Variants in GATB observed in about 807,000 individuals in gnomAD.
GATB encodes glutamyl-tRNA(Gln) amidotransferase subunit B, mitochondrial.
Under a neutral mutation model 62.3 loss-of-function variants are expected in GATB, and 39 were observed. The ratio of observed to expected loss-of-function variants is 0.63; its 90% confidence interval spans 0.48 to 0.82. The LOEUF (loss-of-function observed/expected upper bound fraction) is 0.82. Among genes scored for constraint, GATB ranks in the 40% least tolerant of loss-of-function variants. The pLI is 0.00. For synonymous variants in GATB, 276 were observed against 258.9 expected (o/e 1.07, Z -0.63); for missense variants, 670 against 684.0 (o/e 0.98, Z 0.23).
At chr4:151,673,066 G>C (rs1737909153) in intron 11 of GATB, 170 bp from the exon 12 acceptor site, 1 of 753,562 alleles carries the variant, frequency 1.3e-6, no homozygotes, top group African/African-American at 1.8e-5. Flanking sequence ...CCCTGCCAGA[G>C]CGTTGGCTCT....
At chr4:151,735,971 G>T (rs190735213) in intron 2 of GATB, among the ~76,000 whole-genome samples, 3 of 151,600 alleles carry the variant, frequency 2.0e-5, no homozygotes, top group Non-Finnish European at 2.9e-5. Context: ...CACCACCGAA[G>T]AACTTATTCA....
intron 5 of GATB, among the ~76,000 whole-genome samples, chr4:151,715,786 G>A (rs573726053): frequency 9.2e-5 from 14 of 152,208 alleles, no homozygotes; most frequent in Middle Eastern, 6.8e-3. Context: ...GTTGTTGGTC[G>A]TATATTTATA....
At chr4:151,678,323 T>C (rs1414651206) in intron 11 of GATB, among the ~76,000 whole-genome samples, 1 of 152,218 alleles carries the variant, frequency 6.6e-6, no homozygotes, top group African/African-American at 2.4e-5. Flanking sequence ...TTACTGGAAC[T>C]ATCTTATTCA....
intron 9 of GATB, among the ~76,000 whole-genome samples, chr4:151,693,729 A>T (rs1738415500): frequency 6.6e-6 from 1 of 152,174 alleles, no homozygotes. Context: ...AAATCTGAGC[A>T]AAACTTTGGC....
chr4:151,682,599 ATT>A (rs1188769662), intron 10 of GATB, among the ~76,000 whole-genome samples: 1 of 151,792 alleles, frequency 6.6e-6, no homozygotes, highest in African/African-American at 2.4e-5. Flanking sequence ...AAGCTCCAAA[ATT>A]TGTCCAGTCC....
intron 10 of GATB, 65 bp downstream of exon 10, chr4:151,688,565 C>G (rs555501232): frequency 1.3e-6 from 2 of 1,517,960 alleles, no homozygotes; most frequent in African/African-American, 2.8e-5. Flanking sequence ...TGGACCTGCC[C>G]TATTTCCAGC....
chr4:151,753,928 A>G (rs1399277327), intron 2 of GATB, among the ~76,000 whole-genome samples: 1 of 152,092 alleles, frequency 6.6e-6, no homozygotes, highest in East Asian at 1.9e-4. Flanking sequence ...ATGCCATGAC[A>G]TTTCTCAATC....
At chr4:151,753,164 G>C (rs1337601454) in intron 2 of GATB, among the ~76,000 whole-genome samples, 2 of 152,148 alleles carry the variant, frequency 1.3e-5, no homozygotes, top group East Asian at 3.8e-4. Flanking sequence ...TGCTCTGACT[G>C]GTGGCCTCAG....
In GATB at chr4:151,720,223, A is replaced by T. The variant is rs1739000882; in HGVS notation, c.328-685T>A. 5 of 152,354 alleles carry T rather than the reference A, an allele frequency of 3.3e-5. No individual in the cohort carries two copies. The South Asian group carries it at 1.0e-3, about 32-fold the overall frequency. The allele number at this position is 152,354 out of a possible 1,614,324, so 9.4% of individuals were successfully genotyped here. A position where few individuals can be genotyped will look rare whatever the true frequency, so the allele number is the denominator to read the frequency against. ...AGTGAATGACCAAGAAATGGCTGGC[A>T]CACTTCCCAGCACCAAAGAATGTCA... On this transcript the variant is annotated intron_variant, in intron 2 of 12. Coordinates refer to ENST00000263985, the MANE Select transcript of GATB (RefSeq NM_004564.3).
intron 2 of GATB, 64 bp from the exon 3 acceptor site, chr4:151,719,602 A>C: frequency 2.7e-6 from 3 of 1,099,882 alleles, no homozygotes; most frequent in Non-Finnish European, 2.6e-6. Context: ...TCTCCCACAC[A>C]CTGACATCCT....
intron 2 of GATB, among the ~76,000 whole-genome samples, chr4:151,750,133 G>C (rs917885047): frequency 6.6e-6 from 1 of 152,138 alleles, no homozygotes; most frequent in Admixed American, 6.5e-5. Flanking sequence ...CGCCCACCTC[G>C]GTCTCCCAAA....
chr4:151,732,129 C>G (rs1315877742), intron 2 of GATB, among the ~76,000 whole-genome samples: 1 of 149,388 alleles, frequency 6.7e-6, no homozygotes, highest in African/African-American at 2.5e-5. Context: ...CGGCCACCGC[C>G]CCGTCCAGGA....
At chr4:151,755,352 G>A (rs1044371189) in intron 2 of GATB, among the ~76,000 whole-genome samples, 2 of 152,040 alleles carry the variant, frequency 1.3e-5, no homozygotes, top group Admixed American at 6.5e-5. Context: ...CTGTACTGAT[G>A]TATTATAATT....
At chr4:151,727,376 T>C (rs1003532054) in intron 2 of GATB, among the ~76,000 whole-genome samples, 4 of 152,234 alleles carry the variant, frequency 2.6e-5, no homozygotes, top group African/African-American at 9.6e-5. Context: ...TTTGGTTTGC[T>C]TGGATTTCAC....
intron 2 of GATB, chr4:151,720,725 A>C (rs796719605): frequency 4.6e-5 from 7 of 152,294 alleles, no homozygotes; most frequent in African/African-American, 1.4e-4. Flanking sequence ...AAAGAGTCTA[A>C]AACATTTGCC....
chr4:151,740,452 G>A, intron 2 of GATB, among the ~76,000 whole-genome samples: 1 of 152,214 alleles, frequency 6.6e-6, no homozygotes, highest in East Asian at 1.9e-4. Flanking sequence ...ACAACAGTAA[G>A]TATTTGTGTA....
At chr4:151,737,747 C>T (rs900292487) in intron 2 of GATB, among the ~76,000 whole-genome samples, 1 of 152,144 alleles carries the variant, frequency 6.6e-6, no homozygotes. Context: ...CCCAGCCACT[C>T]CAGCGTGACT....
intron 2 of GATB, among the ~76,000 whole-genome samples, chr4:151,753,656 A>T (rs182617119): frequency 1.0e-3 from 152 of 152,282 alleles, no homozygotes; most frequent in Non-Finnish European, 1.7e-3. Flanking sequence ...GCTCCTTCTC[A>T]TCAGCATTTT....
At chr4:151,713,100 G>T (rs190111392) in intron 5 of GATB, among the ~76,000 whole-genome samples, 2 of 152,074 alleles carry the variant, frequency 1.3e-5, no homozygotes, top group East Asian at 3.9e-4. Context: ...AGGAATCTAG[G>T]CTTTGTGCTC....
Sources: gnomAD v4.1 joint callset for allele counts (sites outside exome capture counted in the v4.1 genomes callset) on GRCh38, gnomAD v4.1.1 for gene constraint, MANE v1.5 for transcripts, NCBI Gene and HGNC (gene_info 2026-07-23, HGNC 2026-07-21) for gene names.